The following BMX variants were observed in gnomAD, a reference collection of about 807,000 sequenced individuals.
The protein encoded by BMX is cytoplasmic tyrosine-protein kinase BMX.
In BMX, 31 loss-of-function variants were observed where a neutral mutation model predicts 59.2. That is an observed-to-expected ratio of 0.52 (90% CI 0.39 to 0.71). The LOEUF (loss-of-function observed/expected upper bound fraction) is 0.71, where lower values mean the gene tolerates loss of function less well. Among genes scored for constraint, BMX ranks in the 30% least tolerant of loss-of-function variants. The probability of loss-of-function intolerance (pLI) is 0.00; values close to 1 mark genes in which losing one functional copy is unlikely to be tolerated. For synonymous variants in BMX, 185 were observed against 181.0 expected (o/e 1.02, Z -0.18); for missense variants, 474 against 491.7 (o/e 0.96, Z 0.34).
At position 15,517,937 on chromosome X, in the gene BMX, C is replaced by T. The variant is rs377338599; in HGVS notation, c.454C>T (p.Leu152=). The T allele has an allele frequency of 3.5e-5, 42 of 1,202,600 alleles. No individual in the cohort carries two copies. Among genetic ancestry groups the T allele is most frequent in the African/African-American group, 2.5e-4 (14 of 57,101 alleles). ...TTTGTTTTAATGTTCAGATGCTAAT[C>T]TGCATACTGCAGTCAATGAAGAGAA... The part of the protein sequence containing the change: ...GCTLWEAYAN[L]HTAVNEEKHR... The change falls in exon 6 of 19, where the codon CTG becomes TTG. Residue 152 remains leucine, a synonymous_variant. Transcript: ENST00000348343.
intron 13 of BMX, 135 bp from the exon 14 acceptor site, chrX:15,536,996 TAAC>T: frequency 2.9e-6 from 2 of 686,284 alleles, no homozygotes; most frequent in African/African-American, 2.2e-5. Flanking sequence ...TTTTTTTTTT[TAAC>T]TTATCAACTT....
intron 1 of BMX, among the ~76,000 whole-genome samples, chrX:15,506,470 T>C (rs1435559507): frequency 8.9e-6 from 1 of 112,218 alleles, no homozygotes; most frequent in Non-Finnish European, 1.9e-5. Flanking sequence ...TTCTGCTTCA[T>C]TAGTAAAATA....
rs756877718 is a variant in BMX at position 15,509,406 on chromosome X, G to A, written c.216G>A (p.Thr72=). Reference sequence around the variant, plus strand: ...AGAAAGTAAATCTCGAGGAGCAGACGCCTGTAGAGAGACAGTACCCATTTC... The same window carrying A: ...AGAAAGTAAATCTCGAGGAGCAGACACCTGTAGAGAGACAGTACCCATTTC... ...CVEKVNLEEQ[T]PVERQYPFQI... is the part of the protein sequence containing the mutation. The change falls in exon 3 of 19, where the codon ACG becomes ACA. Residue 72 remains threonine (T), a synonymous_variant. Transcript: ENST00000348343. The A allele has an allele frequency of 4.1e-6, 5 of 1,204,935 alleles. No individual in the cohort carries two copies. The East Asian group carries it at 1.2e-4, about 29-fold the overall frequency.
rs925166816 is a variant in BMX at position 15,537,059 on chromosome X, A to C, written c.1223-75A>C. 3 of 1,051,470 alleles carry C rather than the reference A, an allele frequency of 2.9e-6. No homozygotes were observed. The African/African-American group carries it at 5.7e-5, about 20-fold the overall frequency. 86.7% of individuals were successfully genotyped at this position (1,051,470 alleles called of 1,213,427 possible). On this transcript the variant is annotated intron_variant, in intron 13 of 18. Coordinates refer to ENST00000348343, the MANE Select transcript of BMX (RefSeq NM_203281.3). ...GTCACTGTGAAACTCCCATTGGAGA[A>C]GAAATCACTTGGGAAGCTGTTAGCC...
chrX:15,524,711 G>A (rs769678102), intron 7 of BMX, among the ~76,000 whole-genome samples: 44 of 111,736 alleles, frequency 3.9e-4, no homozygotes, highest in Non-Finnish European at 6.8e-4. Context: ...TCTGGACTAT[G>A]AAGGCAAACA....
chrX:15,527,247 A>ATAT (rs1569224670), intron 9 of BMX, among the ~76,000 whole-genome samples: 26 of 56,264 alleles, frequency 4.6e-4, no homozygotes, highest in African/African-American at 2.0e-3. Flanking sequence ...CACACACACA[A>ATAT]ATATATATAT....
Position 15,541,850 on chromosome X carries a change from CTCTT to C in BMX, c.1395-128_1395-125del, listed in dbSNP as rs1187840174. The C allele has an allele frequency of 1.9e-5, 12 of 628,285 alleles. No individual in the cohort carries two copies. In the Admixed American group the frequency reaches 3.3e-4, roughly 17 times the overall value. The allele number at this position is 628,285 out of a possible 1,213,427, so 51.8% of individuals were successfully genotyped here. A position where few individuals can be genotyped will look rare whatever the true frequency, so the allele number is the denominator to read the frequency against. ...AATATAAGATCCTAAACTTTTCCCT[CTCTT>C]TCTCTGTTCAAGTGAAAGAGGGTGG... On this transcript the variant is annotated intron_variant, in intron 14 of 18. Transcript: ENST00000348343.
Position 15,533,354 on chromosome X carries a change from C to A in BMX, c.1020-858C>A, listed in dbSNP as rs12834519. Among the ~76,000 whole-genome samples the A allele has an allele frequency of 7.8e-3, 873 of 111,643 alleles. 29 individuals carry two copies. Among genetic ancestry groups the A allele is most frequent in the Admixed American group, 0.072 (749 of 10,471 alleles). On this transcript the variant is annotated intron_variant, in intron 11 of 18. Transcript: ENST00000348343. ...CTCTTCTCCCTCCTCCCACCCTCCA[C>A]CCTCAAGTAAGCCTCAGTGTCTACT...
At chrX:15,527,223 CAA>C (rs1924796555) in intron 9 of BMX, among the ~76,000 whole-genome samples, 1 of 46,233 alleles carries the variant, frequency 2.2e-5, no homozygotes, top group African/African-American at 1.1e-4. Context: ...AAAAACAACA[CAA>C]ACACACACAC....
intron 5 of BMX, among the ~76,000 whole-genome samples, chrX:15,516,767 C>T (rs779040644): frequency 9.9e-5 from 11 of 110,888 alleles, no homozygotes; most frequent in African/African-American, 3.6e-4. Flanking sequence ...TAAAGCAGTT[C>T]GCCATTCTCT....
In BMX at chrX:15,522,386, C is replaced by G; in HGVS notation, c.551C>G (p.Ala184Gly). Residue 184 changes from alanine to glycine, a missense_variant, in exon 7 of 19, where the codon GCA (alanine) becomes GGA (glycine). By Grantham distance (60) the Ala-to-Gly change is moderately conservative (BLOSUM62 0). Coordinates refer to ENST00000348343, the MANE Select transcript of BMX (RefSeq NM_203281.3). ...GCAGTTCCTGTTCTCAAAATGGATG[C>G]ACCATCTTCAAGTACCACTCTAGCC... ...PRAVPVLKMD[A>G]PSSSTTLAQY... is the part of the protein sequence containing the mutation. 8.3e-7 allele frequency: 1 copy of G among 1,211,693 alleles called. No homozygotes were observed. Among genetic ancestry groups the G allele is most frequent in the Non-Finnish European group, 1.1e-6 (1 of 895,336 alleles).
At chrX:15,549,521 C>T (rs763386983) in intron 17 of BMX, among the ~76,000 whole-genome samples, 19 of 111,913 alleles carry the variant, frequency 1.7e-4, no homozygotes, top group African/African-American at 6.2e-4. Context: ...ACAACTCACA[C>T]TTCACAGGAC....
At chrX:15,528,391 G>A (rs1234643968) in intron 9 of BMX, among the ~76,000 whole-genome samples, 1 of 112,148 alleles carries the variant, frequency 8.9e-6, no homozygotes, top group South Asian at 3.7e-4. Context: ...AGGTACAGTG[G>A]CACATGCCTA....
chrX:15,546,097 G>A (rs755513631), intron 16 of BMX, among the ~76,000 whole-genome samples: 15 of 112,189 alleles, frequency 1.3e-4, no homozygotes, highest in Non-Finnish European at 2.3e-4. Context: ...GTGTGAGTGT[G>A]CCATAATATA....
chrX:15,509,475 C>T (rs774297684), intron 3 of BMX, 42 bp downstream of exon 3: 1 of 932,773 alleles, frequency 1.1e-6, no homozygotes, highest in Admixed American at 2.7e-5. Flanking sequence ...ATAGTTCTTC[C>T]TTCAATTTTT....
intron 18 of BMX, among the ~76,000 whole-genome samples, 193 bp from the exon 19 acceptor site, chrX:15,555,880 C>G (rs1044488167): frequency 1.9e-4 from 21 of 112,276 alleles, no homozygotes; most frequent in African/African-American, 6.8e-4. Context: ...TTAACACCTT[C>G]AACATAATGT....
intron 12 of BMX, among the ~76,000 whole-genome samples, 190 bp from the exon 13 acceptor site, chrX:15,536,163 C>T (rs1402373240): frequency 3.6e-5 from 4 of 112,053 alleles, no homozygotes; most frequent in Non-Finnish European, 5.6e-5. Flanking sequence ...ATTTAATTTT[C>T]GCTTTGCATT....
At chrX:15,546,696 T>G in intron 16 of BMX, 107 bp from the exon 17 acceptor site, 1 of 574,156 alleles carries the variant, frequency 1.7e-6, no homozygotes, top group Non-Finnish European at 2.8e-6. Context: ...GAAACAAAAG[T>G]TCCAGAAAAC....
chrX:15,508,215 T>C (rs1923813555), intron 1 of BMX, 130 bp from the exon 2 acceptor site: 2 of 379,471 alleles, frequency 5.3e-6, no homozygotes, highest in Admixed American at 1.2e-4. Context: ...TAATCCTACA[T>C]CAGTCTCATT....
Sources: allele counts gnomAD v4.1 joint callset (sites outside exome capture counted in the v4.1 genomes callset), GRCh38; gene constraint gnomAD v4.1.1; transcripts MANE v1.5; gene names NCBI Gene and HGNC (gene_info 2026-07-23, HGNC 2026-07-21).